ANKRD55: variants seen among roughly 807,000 people sequenced by gnomAD.
ANKRD55 encodes ankyrin repeat domain-containing protein 55.
A neutral mutation model predicts 60.6 loss-of-function variants in ANKRD55; 41 were observed. That is an observed-to-expected ratio of 0.68 (90% CI 0.53 to 0.88). The LOEUF is 0.88. Ranked by LOEUF, ANKRD55 falls within the 40% of genes least tolerant of loss-of-function variation. The pLI, the probability that ANKRD55 is intolerant of heterozygous loss-of-function variation, is 0.00. For missense variants in ANKRD55, 732 were observed against 767.6 expected, an observed-to-expected ratio of 0.95 and a Z score of 0.55; for synonymous variants, 264 against 290.3, an observed-to-expected ratio of 0.91 and a Z score of 0.92.
At chr5:56,161,693 T>G (rs1184452984) in intron 5 of ANKRD55, among the ~76,000 whole-genome samples, 1 of 152,180 alleles carries the variant, frequency 6.6e-6, no homozygotes, top group East Asian at 1.9e-4. Context: ...TACTGCACGA[T>G]CTGAGTTTCT....
intron 6 of ANKRD55, among the ~76,000 whole-genome samples, chr5:56,154,281 C>A (rs1176906107): frequency 6.7e-6 from 1 of 149,716 alleles, no homozygotes; most frequent in Non-Finnish European, 1.5e-5. Context: ...AACTGTTACT[C>A]CCCGCTACCC....
At chr5:56,151,783 A>G (rs1472864917) in intron 6 of ANKRD55, among the ~76,000 whole-genome samples, 1 of 150,804 alleles carries the variant, frequency 6.6e-6, no homozygotes, top group Admixed American at 6.6e-5. Flanking sequence ...ACTGCATTCT[A>G]GCCTGGGTGA....
chr5:56,100,348 T>C (rs372644557), intron 11 of ANKRD55, 44 bp from the exon 12 acceptor site: 1 of 1,612,028 alleles, frequency 6.2e-7, no homozygotes, highest in South Asian at 1.1e-5. Context: ...GATTTGCTTC[T>C]CTAACAGGAA....
chr5:56,166,086 T>TTTCTTTCTTTCTTTC lies in ANKRD55; in HGVS notation c.422+4607_422+4608insGAAAGAAAGAAAGAA, dbSNP rs1554040776. On this transcript the variant is annotated intron_variant, in intron 5 of 11. Transcript: ENST00000341048. Reference sequence around the variant, plus strand: ...CACCCTTCAGGGATCTTTCTTTTCTTTTTCTTTCTTTCTTTCTTTCTTTCT... The same window carrying TTTCTTTCTTTCTTTC: ...CACCCTTCAGGGATCTTTCTTTTCTTTTCTTTCTTTCTTTCTTTCTTTCTTTCTTTCTTTCTTTCT... Among the ~76,000 whole-genome samples, 41 of 91,846 alleles carry TTTCTTTCTTTCTTTC rather than the reference T, an allele frequency of 4.5e-4. 2 individuals are homozygous for TTTCTTTCTTTCTTTC. The highest frequency in any genetic ancestry group is 2.7e-3 in the East Asian group (8 of 2,928). The allele number at this position is 91,846 out of a possible 152,430, so 60.3% of individuals were successfully genotyped here. A position where few individuals can be genotyped will look rare whatever the true frequency, so the allele number is the denominator to read the frequency against.
chr5:56,114,372 TATTTC>T (rs1474397273), intron 9 of ANKRD55: 1 of 152,428 alleles, frequency 6.6e-6, no homozygotes, highest in African/African-American at 2.4e-5. Flanking sequence ...ATACAGTGAA[TATTTC>T]ATTTCAAGAT....
chr5:56,193,158 A>G (rs892679976), intron 2 of ANKRD55: 2 of 684,228 alleles, frequency 2.9e-6, no homozygotes, highest in Non-Finnish European at 4.9e-6. Context: ...TTTGTAAAAC[A>G]GGGCTGTATG....
At chr5:56,190,566 T>C (rs1759071234) in intron 2 of ANKRD55, among the ~76,000 whole-genome samples, 1 of 152,226 alleles carries the variant, frequency 6.6e-6, no homozygotes, top group South Asian at 2.1e-4. Flanking sequence ...TCCAACATCA[T>C]TCATTGAAAA....
intron 3 of ANKRD55, among the ~76,000 whole-genome samples, chr5:56,176,496 T>C (rs1470215227): frequency 1.3e-5 from 2 of 152,210 alleles, no homozygotes; most frequent in Non-Finnish European, 2.9e-5. Context: ...TTTGCAATAA[T>C]TGGCTGAGTA....
intron 3 of ANKRD55, among the ~76,000 whole-genome samples, chr5:56,177,383 A>C (rs1314235390): frequency 6.6e-6 from 1 of 152,076 alleles, no homozygotes; most frequent in Non-Finnish European, 1.5e-5. Context: ...CCTGTCAACA[A>C]GTGGTAATTA....
intron 2 of ANKRD55, among the ~76,000 whole-genome samples, chr5:56,205,988 TCCTGGAGACAGAG>T: frequency 6.6e-6 from 1 of 151,142 alleles, no homozygotes. Context: ...TTTTTTTTTT[TCCTGGAGACAGAG>T]TCTGACTCCC....
chr5:56,212,525 C>T (rs1378728142), intron 2 of ANKRD55, among the ~76,000 whole-genome samples: 2 of 152,084 alleles, frequency 1.3e-5, no homozygotes, highest in African/African-American at 4.8e-5. Context: ...TTATTAATAG[C>T]TAACTTTTAC....
chr5:56,191,155 C>T (rs1402942405), intron 2 of ANKRD55, among the ~76,000 whole-genome samples: 1 of 152,200 alleles, frequency 6.6e-6, no homozygotes, highest in Non-Finnish European at 1.5e-5. Flanking sequence ...AAACCTCCAA[C>T]TGTTCTTTTT....
At chr5:56,212,594 T>C (rs1759701929) in intron 2 of ANKRD55, among the ~76,000 whole-genome samples, 1 of 152,250 alleles carries the variant, frequency 6.6e-6, no homozygotes, top group South Asian at 2.1e-4. Context: ...GCCATTTATT[T>C]GTTTCAGCAA....
intron 9 of ANKRD55, among the ~76,000 whole-genome samples, chr5:56,114,593 T>A (rs530502968): frequency 7.2e-5 from 11 of 152,318 alleles, no homozygotes; most frequent in African/African-American, 2.6e-4. Flanking sequence ...TATAATTAAG[T>A]GAACCAATAT....
chr5:56,104,759 A>G (rs950420126), intron 10 of ANKRD55, among the ~76,000 whole-genome samples: 4 of 152,196 alleles, frequency 2.6e-5, no homozygotes, highest in African/African-American at 9.7e-5. Flanking sequence ...AAGAGGAGAA[A>G]GCAAGGCGTT....
At chr5:56,220,182 A>G (rs1329959084) in intron 2 of ANKRD55, among the ~76,000 whole-genome samples, 1 of 152,252 alleles carries the variant, frequency 6.6e-6, no homozygotes, top group African/African-American at 2.4e-5. Context: ...ATACTCTGGC[A>G]AGAGGCCCCC....
intron 2 of ANKRD55, among the ~76,000 whole-genome samples, chr5:56,230,391 C>G (rs569781051): frequency 1.8e-4 from 28 of 152,180 alleles, no homozygotes; most frequent in Non-Finnish European, 4.1e-4. Context: ...TGCGCCCGGC[C>G]CAGATGATTC....
chr5:56,144,743 G>A (rs1757856539), intron 6 of ANKRD55, among the ~76,000 whole-genome samples: 1 of 152,206 alleles, frequency 6.6e-6, no homozygotes, highest in African/African-American at 2.4e-5. Context: ...GTGAATCCCA[G>A]CTTCTTTCAG....
At chr5:56,209,092 C>T (rs1422657530) in intron 2 of ANKRD55, among the ~76,000 whole-genome samples, 1 of 151,558 alleles carries the variant, frequency 6.6e-6, no homozygotes, top group Admixed American at 6.6e-5. Context: ...TGAGTAGCTG[C>T]GATGACAGGC....
Sources: allele counts gnomAD v4.1 joint callset (sites outside exome capture counted in the v4.1 genomes callset), GRCh38; gene constraint gnomAD v4.1.1; transcripts MANE v1.5; gene names NCBI Gene and HGNC (gene_info 2026-07-23, HGNC 2026-07-21).